PKP4: variants seen among roughly 807,000 people sequenced by gnomAD.
PKP4 encodes plakophilin 4.
PKP4 carries 90 observed loss-of-function variants against 145.1 expected under a neutral mutation model. The observed-to-expected ratio is 0.62, with a 90% CI of 0.52 to 0.74. The LOEUF is 0.74. PKP4 is among the 30% of genes least tolerant of loss of function. The pLI is 0.00. For synonymous variants in PKP4, 563 were observed against 577.2 expected, an observed-to-expected ratio of 0.98 and a Z score of 0.35; for missense variants, 1,340 against 1,482.7, an observed-to-expected ratio of 0.90 and a Z score of 1.58.
chr2:158,459,896 T>C (rs60098517), intron 1 of PKP4, among the ~76,000 whole-genome samples: 4,588 of 152,210 alleles, frequency 0.03, 148 homozygotes, highest in East Asian at 0.14. Context: ...TGCTTTCTAT[T>C]TGTTACAGAT....
chr2:158,671,560 C>T (rs1027749971), intron 17 of PKP4, among the ~76,000 whole-genome samples: 1 of 152,182 alleles, frequency 6.6e-6, no homozygotes, highest in Non-Finnish European at 1.5e-5. Context: ...ACCAGAGATT[C>T]GGAAAGTCCT....
intron 1 of PKP4, among the ~76,000 whole-genome samples, chr2:158,518,350 T>A (rs966907171): frequency 6.6e-6 from 1 of 152,160 alleles, no homozygotes; most frequent in African/African-American, 2.4e-5. Context: ...TTGCACAAGA[T>A]CACATCTGCC....
intron 1 of PKP4, among the ~76,000 whole-genome samples, chr2:158,530,504 CTTTTTTTTTTTTTTTT>C (rs869120223): frequency 1.1e-5 from 1 of 92,150 alleles, no homozygotes; most frequent in Admixed American, 1.3e-4. Flanking sequence ...CTCTTTCTTT[CTTTTTTTTTTTTTTTT>C]TTTTTTTTGC....
chr2:158,607,378 G>A (rs1173300850), intron 4 of PKP4, among the ~76,000 whole-genome samples: 1 of 152,154 alleles, frequency 6.6e-6, no homozygotes, highest in Non-Finnish European at 1.5e-5. Flanking sequence ...ACCCATGCCA[G>A]GTAGTTCAAC....
chr2:158,632,417 T>C (rs967158707), intron 8 of PKP4: 2 of 163,558 alleles, frequency 1.2e-5, no homozygotes, highest in African/African-American at 4.8e-5. Flanking sequence ...AAATGTAGAA[T>C]GTAAAATAGA....
intron 1 of PKP4, among the ~76,000 whole-genome samples, chr2:158,471,342 A>G (rs1347525560): frequency 6.6e-6 from 1 of 152,234 alleles, no homozygotes; most frequent in Non-Finnish European, 1.5e-5. Context: ...ATTTTTGTTT[A>G]AAATGGGGGA....
At position 158,631,977 on chromosome 2, in the gene PKP4, C is replaced by T. The variant is rs771447459; in HGVS notation, c.1342+36C>T. 1.1e-5 allele frequency: 17 copies of T among 1,575,804 alleles called. No homozygotes were observed. In the South Asian group the frequency reaches 1.9e-4, roughly 17 times the overall value. ...ACTCTGTTTACTGGTTTCCTGATTT[C>T]ATAGGCCCCACAGTAGAAGTGTTTT... is the stretch of plus-strand genomic sequence containing the variant. On this transcript the variant is annotated intron_variant, in intron 8 of 21. Transcript: ENST00000389759.
At chr2:158,625,986 G>A (rs1254298281) in intron 7 of PKP4, among the ~76,000 whole-genome samples, 2 of 152,080 alleles carry the variant, frequency 1.3e-5, no homozygotes, top group African/African-American at 2.4e-5. Context: ...GAAAGACACC[G>A]GGTCCCTAAT....
Position 158,666,509 on chromosome 2 carries a change from G to T in PKP4, c.2674G>T (p.Val892Leu). The T allele has an allele frequency of 1.2e-6, 2 of 1,613,600 alleles. No individual in the cohort carries two copies. Among genetic ancestry groups the T allele is most frequent in the African/African-American group, 1.3e-5 (1 of 75,000 alleles). The change falls in exon 16 of 22, where the codon GTG becomes TTG. Residue 892 changes from valine (V) to leucine (L), a missense_variant. Transcript: ENST00000389759. ...GGATAACGATAGAGTTGTTTCTTCC[G>T]TGGCAACAGCCTTGAGGAATATGGC... ...RMDNDRVVSS[V>L]ATALRNMALD...
At chr2:158,477,603 A>G (rs1355541279) in intron 1 of PKP4, among the ~76,000 whole-genome samples, 2 of 152,198 alleles carry the variant, frequency 1.3e-5, no homozygotes, top group African/African-American at 4.8e-5. Context: ...GTCTTAAAGT[A>G]AGGTTTCCTG....
At chr2:158,522,217 T>C (rs2042439659) in intron 1 of PKP4, among the ~76,000 whole-genome samples, 1 of 152,174 alleles carries the variant, frequency 6.6e-6, no homozygotes, top group Non-Finnish European at 1.5e-5. Context: ...AAATCCAGTA[T>C]TTAGTTGATT....
chr2:158,495,349 T>A (rs1695532713), intron 1 of PKP4, among the ~76,000 whole-genome samples: 1 of 9,574 alleles, frequency 1.0e-4, no homozygotes. Context: ...TTCTGGAGAG[T>A]TAAAAAAAAA....
intron 1 of PKP4, among the ~76,000 whole-genome samples, chr2:158,463,245 A>G (rs1488056713): frequency 3.9e-5 from 6 of 152,208 alleles, no homozygotes; most frequent in Non-Finnish European, 8.8e-5. Context: ...AATGTATACA[A>G]TTATTGCGTT....
intron 1 of PKP4, among the ~76,000 whole-genome samples, chr2:158,460,626 T>C (rs1689620182): frequency 6.6e-6 from 1 of 152,234 alleles, no homozygotes; most frequent in Non-Finnish European, 1.5e-5. Flanking sequence ...TTTTTCTTTC[T>C]GTTTCAATTG....
At chr2:158,594,122 T>C (rs1189002102) in intron 3 of PKP4, among the ~76,000 whole-genome samples, 2 of 152,180 alleles carry the variant, frequency 1.3e-5, no homozygotes, top group Non-Finnish European at 2.9e-5. Flanking sequence ...ATAGCCATCT[T>C]GTTTGCTCAT....
chr2:158,592,418 A>G (rs777376348), intron 3 of PKP4, among the ~76,000 whole-genome samples: 16 of 152,064 alleles, frequency 1.1e-4, no homozygotes, highest in Admixed American at 2.6e-4. Context: ...ACTGTCCCAC[A>G]TGTGAATTCA....
chr2:158,678,667 T>C lies in PKP4; in HGVS notation c.3330+13T>C, dbSNP rs2058222337. On this transcript the variant is annotated intron_variant, in intron 21 of 21. Coordinates refer to ENST00000389759, the MANE Select transcript of PKP4 (RefSeq NM_003628.6). ...TAGACGGCTACAGGTGAATTTGCAA[T>C]ATCATTTTTACAGAAGGCTGATTAG... 2.7e-6 allele frequency: 4 copies of C among 1,497,722 alleles called. No individual in the cohort carries two copies. The highest frequency in any genetic ancestry group is 3.7e-6 in the Non-Finnish European group (4 of 1,074,498). 92.8% of individuals were successfully genotyped at this position (1,497,722 alleles called of 1,614,324 possible). A position where few individuals can be genotyped will look rare whatever the true frequency, so the allele number is the denominator to read the frequency against.
At chr2:158,669,455 G>T in intron 16 of PKP4, 3 of 286,714 alleles carry the variant, frequency 1.0e-5, no homozygotes, top group East Asian at 5.6e-5. Context: ...CCAATTTTAC[G>T]CATTGATTTA....
At chr2:158,619,826 G>C (rs1309259573) in intron 4 of PKP4, among the ~76,000 whole-genome samples, 1 of 152,142 alleles carries the variant, frequency 6.6e-6, no homozygotes, top group Non-Finnish European at 1.5e-5. Flanking sequence ...GGGAGAAATG[G>C]TGATAAGCGC....
Sources: allele counts gnomAD v4.1 joint callset (sites outside exome capture counted in the v4.1 genomes callset), GRCh38; gene constraint gnomAD v4.1.1; transcripts MANE v1.5; gene names NCBI Gene and HGNC (gene_info 2026-07-23, HGNC 2026-07-21).